Variants in ZSCAN21 observed in about 807,000 individuals in gnomAD.
ZSCAN21 encodes the protein zinc finger and SCAN domain-containing protein 21.
In ZSCAN21, 26 loss-of-function variants were observed where a neutral mutation model predicts 35.6. That is an observed-to-expected ratio of 0.73 (90% confidence interval 0.54 to 1.01). ZSCAN21 has a LOEUF of 1.01. ZSCAN21 is among the 50% of genes least tolerant of loss of function. The pLI, the probability that ZSCAN21 is intolerant of heterozygous loss-of-function variation, is 0.00. For missense variants in ZSCAN21, 593 were observed against 587.1 expected (o/e 1.01, Z -0.10); for synonymous variants, 219 against 219.3 (o/e 1.00, Z 0.01).
chr7:100,061,895 C>T (rs929327554), intron 3 of ZSCAN21, among the ~76,000 whole-genome samples: 2 of 152,148 alleles, frequency 1.3e-5, no homozygotes, highest in Admixed American at 6.6e-5. Context: ...TCCCCTTTTC[C>T]CTGATGTGGA....
rs1002644932 is a variant in ZSCAN21 at position 100,056,182 on chromosome 7, G to C, written c.-96-729G>C. On this transcript the variant is annotated intron_variant, in intron 1 of 3. Transcript: ENST00000292450. The stretch of plus-strand genomic sequence containing the variant: ...TCTCGATCTCCTGACCTCGTGATCC[G>C]CCCACCTCAGCACCTCCCAAAGTGC... 6.0e-5 allele frequency among the ~76,000 whole-genome samples: 9 copies of C among 150,554 alleles called. No individual in the cohort carries two copies. In the East Asian group the frequency reaches 1.8e-3, roughly 30 times the overall value.
Position 100,057,620 on chromosome 7 carries a change from A to G in ZSCAN21, c.400-78A>G, listed in dbSNP as rs899415390. The G allele has an allele frequency of 1.0e-4, 142 of 1,420,582 alleles. 2 individuals carry two copies. Among genetic ancestry groups the G allele is most frequent in the African/African-American group, 7.9e-4 (55 of 69,774 alleles). The allele number at this position is 1,420,582 out of a possible 1,614,324, so 88.0% of individuals were successfully genotyped here. On this transcript the variant is annotated intron_variant, in intron 2 of 3. Transcript: ENST00000292450. Reference sequence around the variant, plus strand: ...TCCTTTTCTCTTTCCTAGAGGTTCTATGTAGCTCTACTGGGATTTTCATTC... The same window carrying G: ...TCCTTTTCTCTTTCCTAGAGGTTCTGTGTAGCTCTACTGGGATTTTCATTC...
Position 100,057,419 on chromosome 7 carries a change from A to G in ZSCAN21, c.399+14A>G, listed in dbSNP as rs1447245094. The G allele has an allele frequency of 2.6e-6, 4 of 1,522,916 alleles. No individual in the cohort carries two copies. Among genetic ancestry groups the G allele is most frequent in the Non-Finnish European group, 3.5e-6 (4 of 1,139,460 alleles). 94.3% of individuals were successfully genotyped at this position (1,522,916 alleles called of 1,614,324 possible). A position where few individuals can be genotyped will look rare whatever the true frequency, so the allele number is the denominator to read the frequency against. On this transcript the variant is annotated intron_variant, in intron 2 of 3. Coordinates refer to ENST00000292450, the MANE Select transcript of ZSCAN21 (RefSeq NM_145914.3). ...CCAGGACACCAGGTAGGCAGGAGAG[A>G]CCTTTGTTATTCTAGGAGATTGGGA...
In ZSCAN21 at chr7:100,055,017, G is replaced by A. The variant is rs543640504; in HGVS notation, c.-96-1894G>A. Among the ~76,000 whole-genome samples the A allele has an allele frequency of 5.7e-4, 84 of 146,868 alleles. No homozygotes were observed. The Middle Eastern group carries it at 0.018, about 32-fold the overall frequency. On this transcript the variant is annotated intron_variant, in intron 1 of 3. Coordinates refer to ENST00000292450, the MANE Select transcript of ZSCAN21 (RefSeq NM_145914.3). ...GTCACCCAGGCTGGAGTGCAGTGGT[G>A]CAATCTTGGCTCACTGCATCCTTCC...
intron 1 of ZSCAN21, chr7:100,051,676 G>A (rs1791886002): frequency 1.3e-5 from 2 of 151,856 alleles, no homozygotes; most frequent in African/African-American, 4.8e-5. Flanking sequence ...TAGAATCTAT[G>A]GTAATTTGAT....
intron 1 of ZSCAN21, among the ~76,000 whole-genome samples, chr7:100,051,282 C>CTTTTTTTCTTTTTTTTTTTTTT (rs1791864490): frequency 2.9e-5 from 1 of 34,948 alleles, no homozygotes; most frequent in Non-Finnish European, 5.2e-5. Context: ...TAGGGATTTT[C>CTTTTTTTCTTTTTTTTTTTTTT]TTTTTTTTTT....
chr7:100,051,282 C>CTTTTTCTTTTTTTTTT (rs1791864100), intron 1 of ZSCAN21, among the ~76,000 whole-genome samples: 1 of 34,948 alleles, frequency 2.9e-5, no homozygotes, highest in Non-Finnish European at 5.2e-5. Flanking sequence ...TAGGGATTTT[C>CTTTTTCTTTTTTTTTT]TTTTTTTTTT....
intron 3 of ZSCAN21, among the ~76,000 whole-genome samples, chr7:100,062,189 C>G (rs1399231380): frequency 6.6e-6 from 1 of 151,936 alleles, no homozygotes; most frequent in Non-Finnish European, 1.5e-5. Flanking sequence ...TGCCACTCAG[C>G]CTCATCCTTA....
chr7:100,052,991 T>A (rs1791939401), intron 1 of ZSCAN21, among the ~76,000 whole-genome samples: 1 of 151,956 alleles, frequency 6.6e-6, no homozygotes, highest in Non-Finnish European at 1.5e-5. Flanking sequence ...TAGCCGGGCA[T>A]GGCACGCACC....
chr7:100,059,787 G>A (rs561138886), intron 3 of ZSCAN21, among the ~76,000 whole-genome samples: 10 of 152,048 alleles, frequency 6.6e-5, no homozygotes, highest in South Asian at 6.2e-4. Flanking sequence ...TCGGCTCACC[G>A]CAACCTCCGC....
At chr7:100,055,089 G>A (rs1177390904) in intron 1 of ZSCAN21, among the ~76,000 whole-genome samples, 1 of 150,394 alleles carries the variant, frequency 6.6e-6, no homozygotes, top group Non-Finnish European at 1.5e-5. Context: ...CTGACTAGCT[G>A]GGATTACAGG....
chr7:100,056,161 G>T (rs1046775943), intron 1 of ZSCAN21, among the ~76,000 whole-genome samples: 5 of 150,964 alleles, frequency 3.3e-5, no homozygotes, highest in Admixed American at 6.6e-5. Flanking sequence ...GGATGGTCTC[G>T]ATCTCCTGAC....
At chr7:100,054,231 A>G (rs1791993425) in intron 1 of ZSCAN21, among the ~76,000 whole-genome samples, 1 of 151,500 alleles carries the variant, frequency 6.6e-6, no homozygotes. Context: ...ATTATTGGTT[A>G]TAGTGTGTTT....
At chr7:100,055,750 C>T (rs970165460) in intron 1 of ZSCAN21, among the ~76,000 whole-genome samples, 2 of 150,844 alleles carry the variant, frequency 1.3e-5, no homozygotes, top group African/African-American at 4.9e-5. Context: ...AGGCCATTCT[C>T]CTGCCTCAGC....
At position 100,064,381 on chromosome 7, in the gene ZSCAN21, A is replaced by C; in HGVS notation, c.1186A>C (p.Ser396Arg). The C allele has an allele frequency of 1.2e-6, 2 of 1,614,052 alleles. No homozygotes were observed. Among genetic ancestry groups the C allele is most frequent in the Non-Finnish European group, 1.7e-6 (2 of 1,180,022 alleles). Residue 396 changes from serine (S) to arginine (R), a missense_variant, in exon 4 of 4, where the codon AGC (serine) becomes CGC (arginine). By Grantham distance (110) the Ser-to-Arg change is moderately radical (BLOSUM62 -1). Transcript: ENST00000292450. ...TTATCAGTGTAACGAATGTGGGAAG[A>C]GCTTCAGTCAGCATGCGGGCCTCAG... ...KPYQCNECGK[S>R]FSQHAGLSSH...
chr7:100,064,330 T>C lies in ZSCAN21; in HGVS notation c.1135T>C (p.Tyr379His), dbSNP rs750091192. 1 of 1,613,318 alleles carries C rather than the reference T, an allele frequency of 6.2e-7. No individual in the cohort carries two copies. The highest frequency in any genetic ancestry group is 1.1e-5 in the South Asian group (1 of 91,024). ...CGGGAAAGGCAGCCTCATTCGTCAC[T>C]ATCGGATCCACACTGGGGAGAAGCC... is the stretch of plus-strand genomic sequence containing the variant. ...FSGKGSLIRH[Y>H]RIHTGEKPYQ... The change falls in exon 4 of 4, where the codon TAT (tyrosine) becomes CAT (histidine). Residue 379 changes from tyrosine (Y) to histidine (H), a missense_variant. Transcript: ENST00000292450.
chr7:100,064,622 C>T lies in ZSCAN21; in HGVS notation c.*5C>T, dbSNP rs751806627. 4 of 1,611,888 alleles carry T rather than the reference C, an allele frequency of 2.5e-6. No homozygotes were observed. Among genetic ancestry groups the T allele is most frequent in the Non-Finnish European group, 2.5e-6 (3 of 1,178,812 alleles). ...GGAGAGGGAGAAGCACCGTAACTTT[C>T]AAGCGCTCCTGTTGTTGTCGTTGTT... On this transcript the variant is annotated 3_prime_UTR_variant, in exon 4 of 4. Transcript: ENST00000292450.
intron 3 of ZSCAN21, among the ~76,000 whole-genome samples, chr7:100,059,754 G>A (rs1233735053): frequency 1.3e-5 from 2 of 152,042 alleles, no homozygotes; most frequent in Admixed American, 6.6e-5. Context: ...TTGTTGCCCA[G>A]GCTGGAGTGC....
At chr7:100,060,877 AAC>A (rs1262238438) in intron 3 of ZSCAN21, among the ~76,000 whole-genome samples, 16 of 151,646 alleles carry the variant, frequency 1.1e-4, no homozygotes, top group African/African-American at 3.9e-4. Flanking sequence ...AAAAAAAAAA[AAC>A]ATTTCTACTA....
Sources: allele counts gnomAD v4.1 joint callset (sites outside exome capture counted in the v4.1 genomes callset), GRCh38; gene constraint gnomAD v4.1.1; transcripts MANE v1.5; gene names NCBI Gene and HGNC (gene_info 2026-07-23, HGNC 2026-07-21).